The following ALG8 variants were observed in gnomAD, a reference collection of about 807,000 sequenced individuals.
ALG8 encodes the protein dolichyl pyrophosphate Glc1Man9GlcNAc2 alpha-1,3-glucosyltransferase.
In ALG8, 48 loss-of-function variants were observed where a neutral mutation model predicts 70.2. The ratio of observed to expected loss-of-function variants is 0.68; its 90% CI spans 0.54 to 0.87. The LOEUF (loss-of-function observed/expected upper bound fraction) is 0.87. Ranked by LOEUF, ALG8 falls within the 40% of genes least tolerant of loss-of-function variation. ALG8 has a pLI of 0.00. For synonymous variants in ALG8, 234 were observed against 229.0 expected (o/e 1.02, Z -0.20); for missense variants, 572 against 608.7 (o/e 0.94, Z 0.64).
rs192241801 is a variant in ALG8 at position 78,114,276 on chromosome 11, T to G, written c.663A>C (p.Ala221=). 1 of 1,614,126 alleles carries G rather than the reference T, an allele frequency of 6.2e-7. No homozygotes were observed. The highest frequency in any genetic ancestry group is 1.1e-5 in the South Asian group (1 of 91,088). ...ATTACCAAAACTTGCCTGGTTTATT[T>G]GCAGTGAAACAGTAGGATCGCAGCA... is the stretch of plus-strand genomic sequence containing the variant. ...VYLLRSYCFT[A]NKPDGSIRWK... The change falls in exon 6 of 13, where the codon GCA becomes GCC. Residue 221 remains alanine (A), a synonymous_variant. Coordinates refer to ENST00000299626, the MANE Select transcript of ALG8 (RefSeq NM_024079.5).
rs752979103 is a variant in ALG8 at position 78,101,078 on chromosome 11, G to A, written c.1467C>T (p.Phe489=). Residue 489 remains phenylalanine, a synonymous_variant, in exon 13 of 13, where the codon TTC becomes TTT. Transcript: ENST00000299626. Reference sequence around the variant, plus strand: ...ACACTGAGGTTAGTAACAAAGGGATGAAGGGGTACTTCACCTTCCAGGAGG... The same window carrying A: ...ACACTGAGGTTAGTAACAAAGGGATAAAGGGGTACTTCACCTTCCAGGAGG... The part of the protein sequence containing the change: ...PFTSWKVKYP[F]IPLLLTSVYC... The A allele has an allele frequency of 3.7e-6, 6 of 1,614,066 alleles. No homozygotes were observed. The Admixed American group carries it at 1.0e-4, about 27-fold the overall frequency.
chr11:78,138,021 A>G (rs535439871), intron 1 of ALG8, among the ~76,000 whole-genome samples: 24 of 152,296 alleles, frequency 1.6e-4, no homozygotes, highest in South Asian at 1.2e-3. Flanking sequence ...CGCTATATAC[A>G]TTCTTAACCT....
At chr11:78,134,082 G>A (rs1291784723) in intron 1 of ALG8, among the ~76,000 whole-genome samples, 1 of 151,930 alleles carries the variant, frequency 6.6e-6, no homozygotes, top group African/African-American at 2.4e-5. Flanking sequence ...AATGTTGATG[G>A]CTGTTGATTG....
chr11:78,132,375 G>A (rs1861342459), intron 1 of ALG8, among the ~76,000 whole-genome samples: 1 of 152,026 alleles, frequency 6.6e-6, no homozygotes, highest in East Asian at 1.9e-4. Flanking sequence ...TTCTCAAAGG[G>A]CACCTAGCCT....
intron 1 of ALG8, among the ~76,000 whole-genome samples, chr11:78,135,829 C>A (rs934843753): frequency 7.1e-6 from 1 of 141,708 alleles, no homozygotes; most frequent in Admixed American, 7.1e-5. Context: ...GCATGGGAGA[C>A]AGAGTGAAAC....
In ALG8 at chr11:78,104,328, T is replaced by C. The variant is rs111738635; in HGVS notation, c.1276+28A>G. The C allele has an allele frequency of 2.3e-5, 35 of 1,537,802 alleles. No individual in the cohort carries two copies. In the Middle Eastern group the frequency reaches 1.0e-3, roughly 45 times the overall value. ...CGATGAAAAGGTTGTGATAGTCAAA[T>C]ATATTTTTCTCAGAAGACGCTGTTT... On this transcript the variant is annotated intron_variant, in intron 11 of 12. Coordinates refer to ENST00000299626, the MANE Select transcript of ALG8 (RefSeq NM_024079.5).
chr11:78,132,326 C>G (rs1292351891), intron 1 of ALG8, among the ~76,000 whole-genome samples: 2 of 152,202 alleles, frequency 1.3e-5, no homozygotes, highest in African/African-American at 2.4e-5. Context: ...TCTAATGCCA[C>G]CACTCCAATT....
intron 8 of ALG8, chr11:78,112,429 AC>A: frequency 1.9e-6 from 1 of 527,236 alleles, no homozygotes; most frequent in Non-Finnish European, 3.3e-6. Context: ...AGGATCAATA[AC>A]CTCATTACCA....
intron 5 of ALG8, among the ~76,000 whole-genome samples, chr11:78,116,714 T>C (rs1320410343): frequency 3.9e-5 from 6 of 151,970 alleles, no homozygotes; most frequent in Non-Finnish European, 7.4e-5. Context: ...AGCATGACGT[T>C]GTCTTCAAAA....
rs1861713338 is a variant in ALG8 at position 78,139,626 on chromosome 11, C to T, written c.-38G>A. The T allele has an allele frequency of 6.5e-7, 1 of 1,538,852 alleles. No individual in the cohort carries two copies. The highest frequency in any genetic ancestry group is 8.8e-7 in the Non-Finnish European group (1 of 1,135,836). ...GCACGCTTCCCACCAACTTGATCCACATCCGGGATCCCGCGCATGCGGAGA... is the reference window on the plus strand; with the variant it reads ...GCACGCTTCCCACCAACTTGATCCATATCCGGGATCCCGCGCATGCGGAGA... On this transcript the variant is annotated 5_prime_UTR_variant, in exon 1 of 13. It adds an upstream start codon to the 5' untranslated region. Transcript: ENST00000299626.
chr11:78,126,028 G>A (rs964652441), intron 2 of ALG8, among the ~76,000 whole-genome samples: 11 of 151,928 alleles, frequency 7.2e-5, no homozygotes, highest in Admixed American at 5.2e-4. Context: ...GCATGGTGGC[G>A]GGCGCCTGTA....
intron 1 of ALG8, chr11:78,138,702 G>A (rs1276143441): frequency 2.2e-6 from 1 of 456,294 alleles, no homozygotes; most frequent in Admixed American, 2.3e-5. Context: ...TAAATACTGA[G>A]TACCTACTGT....
At chr11:78,138,290 A>G (rs1481473308) in intron 1 of ALG8, among the ~76,000 whole-genome samples, 1 of 149,844 alleles carries the variant, frequency 6.7e-6, no homozygotes, top group Non-Finnish European at 1.5e-5. Flanking sequence ...CAGAGGTTGC[A>G]GTAAGCTGAG....
chr11:78,125,194 G>C (rs1470654363), intron 2 of ALG8, among the ~76,000 whole-genome samples: 2 of 151,560 alleles, frequency 1.3e-5, no homozygotes, highest in African/African-American at 2.4e-5. Flanking sequence ...CACCACACCC[G>C]GCTAATTTTT....
rs1238663225 is a variant in ALG8 at position 78,127,249 on chromosome 11, T to A, written c.174+109A>T. ...GCCTTGGCCTCCCAAAGTGCTGGGA[T>A]TACAAGCGTGAGCCACCGCACCCAG... On this transcript the variant is annotated intron_variant, in intron 2 of 12. Transcript: ENST00000299626. The A allele has an allele frequency of 3.0e-6, 3 of 1,013,674 alleles. No homozygotes were observed. The African/African-American group carries it at 4.8e-5, about 16-fold the overall frequency. 62.8% of individuals were successfully genotyped at this position (1,013,674 alleles called of 1,614,324 possible).
At chr11:78,137,152 C>G (rs770158396) in intron 1 of ALG8, 3 of 151,996 alleles carry the variant, frequency 2.0e-5, no homozygotes, top group East Asian at 1.9e-4. Context: ...GTGCTGGGAT[C>G]ACAGGCATGA....
chr11:78,136,036 G>A (rs1861533683), intron 1 of ALG8, among the ~76,000 whole-genome samples: 1 of 151,858 alleles, frequency 6.6e-6, no homozygotes, highest in Non-Finnish European at 1.5e-5. Flanking sequence ...TGGGTGTAGT[G>A]GTGTGCACCT....
intron 1 of ALG8, among the ~76,000 whole-genome samples, chr11:78,129,922 G>A (rs572607627): frequency 6.6e-5 from 10 of 151,930 alleles, no homozygotes; most frequent in Non-Finnish European, 1.3e-4. Context: ...ACACAACAAC[G>A]CACAAACTTA....
intron 6 of ALG8, 124 bp downstream of exon 6, chr11:78,114,142 G>A (rs1860449301): frequency 7.7e-6 from 11 of 1,437,642 alleles, no homozygotes; most frequent in Non-Finnish European, 1.1e-5. Context: ...TGGGTAAAGG[G>A]CTTACAGGAT....
Sources: allele counts gnomAD v4.1 joint callset (sites outside exome capture counted in the v4.1 genomes callset), GRCh38; gene constraint gnomAD v4.1.1; transcripts MANE v1.5; gene names NCBI Gene and HGNC (gene_info 2026-07-23, HGNC 2026-07-21).